FRMPD3: variants seen among roughly 807,000 people sequenced by gnomAD.
The protein encoded by FRMPD3 is FERM and PDZ domain containing 3, also known as FERM and PDZ domain-containing protein 3.
In FRMPD3, 42 loss-of-function variants were observed where a neutral mutation model predicts 97.9. That is an observed-to-expected ratio of 0.43 (90% confidence interval 0.34 to 0.55). FRMPD3 has a LOEUF of 0.55. Among genes scored for constraint, FRMPD3 ranks in the 20% least tolerant of loss-of-function variants. The pLI is 0.03. For missense variants in FRMPD3, 1,303 were observed against 1,457.7 expected, an observed-to-expected ratio of 0.89 and a Z score of 1.73; for synonymous variants, 577 against 581.1, an observed-to-expected ratio of 0.99 and a Z score of 0.10.
chrX:107,518,294 C>T (rs904486040), intron 1 of FRMPD3, among the ~76,000 whole-genome samples: 24 of 111,670 alleles, frequency 2.1e-4, no homozygotes, highest in Admixed American at 1.9e-3. Flanking sequence ...GATCATGACG[C>T]GTTCAGATGC....
intron 8 of FRMPD3, among the ~76,000 whole-genome samples, chrX:107,556,786 G>C (rs5962846): frequency 9.0e-6 from 1 of 111,624 alleles, no homozygotes; most frequent in African/African-American, 3.3e-5. Context: ...ATGTTGTTGC[G>C]TGTATCAATT....
intron 1 of FRMPD3, among the ~76,000 whole-genome samples, chrX:107,523,137 A>G (rs1312392118): frequency 9.0e-6 from 1 of 111,312 alleles, no homozygotes; most frequent in East Asian, 2.8e-4. Context: ...CAAATTTCAG[A>G]GGGACTGAGC....
intron 9 of FRMPD3, 98 bp from the exon 10 acceptor site, chrX:107,560,629 A>G (rs1199002483): frequency 3.0e-6 from 3 of 1,004,057 alleles, no homozygotes; most frequent in Non-Finnish European, 4.0e-6. Context: ...CTATTCCTCC[A>G]TCTCTACCTC....
intron 2 of FRMPD3, among the ~76,000 whole-genome samples, chrX:107,529,643 G>T (rs1388584976): frequency 9.0e-6 from 1 of 111,066 alleles, no homozygotes; most frequent in Non-Finnish European, 1.9e-5. Context: ...ATATCCAACT[G>T]CCCAAAAGTA....
At chrX:107,542,949 C>G (rs1414237149) in intron 4 of FRMPD3, among the ~76,000 whole-genome samples, 2 of 111,845 alleles carry the variant, frequency 1.8e-5, no homozygotes, top group South Asian at 3.8e-4. Flanking sequence ...GTTGAAGTCT[C>G]TCTTTTTCTC....
Position 107,589,061 on chromosome X carries a change from C to T in FRMPD3, c.1442-8260C>T, listed in dbSNP as rs6652408. ...GCATAGTTTTTTATTACCTATCTTC[C>T]GAAGCCTACTTCTGTCAATTCGTTC... On this transcript the variant is annotated intron_variant, in intron 13 of 14. Coordinates refer to ENST00000683843, the MANE Select transcript of FRMPD3 (RefSeq NM_001388459.1). Among the ~76,000 whole-genome samples the T allele has an allele frequency of 2.0e-3, 220 of 110,645 alleles. 2 individuals are homozygous for T. The highest frequency in any genetic ancestry group is 6.9e-3 in the African/African-American group (209 of 30,203).
intron 13 of FRMPD3, among the ~76,000 whole-genome samples, chrX:107,589,952 A>T (rs181019915): frequency 2.0e-3 from 229 of 111,832 alleles, no homozygotes; most frequent in African/African-American, 7.0e-3. Flanking sequence ...GGAGTTCAAG[A>T]CTAGCCTGGC....
chrX:107,534,235 A>C (rs1923115704), intron 4 of FRMPD3, among the ~76,000 whole-genome samples: 2 of 112,082 alleles, frequency 1.8e-5, no homozygotes, highest in South Asian at 7.5e-4. Flanking sequence ...AGTGTCCATT[A>C]TTAGTTGTAC....
chrX:107,474,976 G>A (rs1345027842), intron 1 of FRMPD3, among the ~76,000 whole-genome samples: 4 of 111,630 alleles, frequency 3.6e-5, no homozygotes, highest in Non-Finnish European at 7.5e-5. Flanking sequence ...AGTGGAGAAC[G>A]GGTGTATATT....
chrX:107,600,876 A>G lies in FRMPD3; in HGVS notation c.2837A>G (p.Asp946Gly). 1 of 1,209,282 alleles carries G rather than the reference A, an allele frequency of 8.3e-7. No homozygotes were observed. The highest frequency in any genetic ancestry group is 1.1e-6 in the Non-Finnish European group (1 of 894,808). ...EVRLSPKLIL[D>G]PKSSVTPAII... ...AGGTTGAGCCCCAAGCTTATCCTCG[A>G]CCCAAAGAGCAGTGTGACCCCTGCC... is the stretch of plus-strand genomic sequence containing the variant. Residue 946 changes from aspartate to glycine, a missense_variant, in exon 15 of 15, where the codon GAC (aspartate) becomes GGC (glycine). Physicochemically the swap from Asp to Gly is moderately conservative, Grantham distance 94. Around this residue, in one of 3 missense-constraint regions of FRMPD3, gnomAD observed 764 missense variants for 820.2 expected, o/e 0.93. Transcript: ENST00000683843.
At chrX:107,573,836 T>C (rs1268084666) in intron 12 of FRMPD3, among the ~76,000 whole-genome samples, 2 of 112,475 alleles carry the variant, frequency 1.8e-5, no homozygotes, top group East Asian at 5.6e-4. Context: ...ATATGATTTC[T>C]GCAATAGGAA....
intron 13 of FRMPD3, among the ~76,000 whole-genome samples, chrX:107,580,686 A>G (rs751841249): frequency 9.0e-6 from 1 of 111,522 alleles, no homozygotes; most frequent in East Asian, 2.8e-4. Flanking sequence ...AGAGAGACAT[A>G]ATGAACTTAT....
intron 1 of FRMPD3, among the ~76,000 whole-genome samples, chrX:107,518,793 G>A (rs1309593878): frequency 8.9e-6 from 1 of 112,300 alleles, no homozygotes; most frequent in African/African-American, 3.2e-5. Context: ...CGTGTTCATA[G>A]CTACATTGTT....
intron 13 of FRMPD3, among the ~76,000 whole-genome samples, chrX:107,592,793 CTTT>C (rs35096358): frequency 4.2e-5 from 3 of 71,332 alleles, no homozygotes; most frequent in East Asian, 4.0e-4. Flanking sequence ...TATGACCATT[CTTT>C]TTTTTTTTTT....
At chrX:107,536,378 T>C (rs1019037864) in intron 4 of FRMPD3, among the ~76,000 whole-genome samples, 3 of 110,993 alleles carry the variant, frequency 2.7e-5, no homozygotes, top group Admixed American at 1.9e-4. Context: ...AAAAATAATA[T>C]ATAAATATAA....
chrX:107,505,441 T>C (rs1252677511), intron 1 of FRMPD3, among the ~76,000 whole-genome samples: 1 of 112,159 alleles, frequency 8.9e-6, no homozygotes, highest in Non-Finnish European at 1.9e-5. Context: ...TCTAGCACAG[T>C]GCCTAGCGTA....
At chrX:107,494,590 T>A (rs750990220) in intron 1 of FRMPD3, among the ~76,000 whole-genome samples, 18 of 112,157 alleles carry the variant, frequency 1.6e-4, no homozygotes, top group Non-Finnish European at 3.0e-4. Flanking sequence ...TAACTCATGC[T>A]TGGGTGTAGA....
intron 1 of FRMPD3, among the ~76,000 whole-genome samples, chrX:107,457,029 ACCT>A (rs1931387614): frequency 9.0e-6 from 1 of 111,645 alleles, no homozygotes; most frequent in Non-Finnish European, 1.9e-5. Flanking sequence ...AACCTGATTT[ACCT>A]ACCAATTGAA....
At chrX:107,502,800 T>C (rs1921945428) in intron 1 of FRMPD3, among the ~76,000 whole-genome samples, 1 of 112,547 alleles carries the variant, frequency 8.9e-6, no homozygotes, top group African/African-American at 3.2e-5. Flanking sequence ...GTATTGCCTA[T>C]ATGGCAGGTG....
Sources: gnomAD v4.1 joint callset for allele counts (sites outside exome capture counted in the v4.1 genomes callset) on GRCh38, gnomAD v4.1.1 for gene constraint, gnomAD v4.1.1 regional missense constraint, MANE v1.5 for transcripts, NCBI Gene and HGNC (gene_info 2026-07-23, HGNC 2026-07-21) for gene names.